Variants in GPATCH8 observed in about 807,000 individuals in gnomAD.
GPATCH8 encodes the protein G-patch domain containing 8.
Under a neutral mutation model 118.3 loss-of-function variants are expected in GPATCH8, and 18 were observed. That is an observed-to-expected ratio of 0.15 (90% CI 0.11 to 0.23). The LOEUF (loss-of-function observed/expected upper bound fraction) is 0.23. Ranked by LOEUF, GPATCH8 falls within the 10% of genes least tolerant of loss-of-function variation. GPATCH8 has a pLI of 1.00. For synonymous variants in GPATCH8, 659 were observed against 684.7 expected (o/e 0.96, Z 0.59); for missense variants, 1,631 against 1,873.8 (o/e 0.87, Z 2.39).
chr17:44,450,432 G>T, intron 3 of GPATCH8, among the ~76,000 whole-genome samples: 1 of 152,062 alleles, frequency 6.6e-6, no homozygotes, highest in Non-Finnish European at 1.5e-5. Context: ...CTATCATCGG[G>T]CCCCAACTCC....
intron 3 of GPATCH8, among the ~76,000 whole-genome samples, chr17:44,446,161 G>A (rs1283477367): frequency 6.6e-6 from 1 of 151,894 alleles, no homozygotes; most frequent in Admixed American, 6.6e-5. Context: ...TGTTGCCCAG[G>A]CTGGTTTCAA....
In GPATCH8 at chr17:44,395,665, G is replaced by A. The variant is rs977705500; in HGVS notation, c.*1903C>T. On this transcript the variant is annotated 3_prime_UTR_variant, in exon 8 of 8. Coordinates refer to ENST00000591680, the MANE Select transcript of GPATCH8 (RefSeq NM_001002909.4). ...ACTGAACAGGTAGGAGGGTGGGAGG[G>A]CAGTCAAGAGTTGTGTTTGCCTGCC... 4.4e-6 allele frequency: 2 copies of A among 454,004 alleles called. No homozygotes were observed. Among genetic ancestry groups the A allele is most frequent in the South Asian group, 1.6e-5 (1 of 64,482 alleles). 28.1% of individuals were successfully genotyped at this position (454,004 alleles called of 1,614,324 possible).
rs57126645 is a variant in GPATCH8, at chr17:44,462,985, TATAA to T, written c.193+1483_193+1486del. ...GACAGAGCGAGACTCCACTTCAAAA[TATAA>T]ATAAATAAATAAATAAATAAATAAA... On this transcript the variant is annotated intron_variant, in intron 3 of 7. Coordinates refer to ENST00000591680, the MANE Select transcript of GPATCH8 (RefSeq NM_001002909.4). 8.9e-3 allele frequency among the ~76,000 whole-genome samples: 1,328 copies of T among 149,624 alleles called. 23 individuals are homozygous for T. Among genetic ancestry groups the T allele is most frequent in the African/African-American group, 0.025 (1,040 of 40,806 alleles).
chr17:44,441,931 G>C (rs2050704762), intron 3 of GPATCH8, among the ~76,000 whole-genome samples: 1 of 151,788 alleles, frequency 6.6e-6, no homozygotes, highest in East Asian at 1.9e-4. Context: ...GGGAGGCTGA[G>C]GCAGGAGAAT....
chr17:44,433,879 C>G (rs2050405516), intron 5 of GPATCH8, among the ~76,000 whole-genome samples: 1 of 152,200 alleles, frequency 6.6e-6, no homozygotes, highest in Non-Finnish European at 1.5e-5. Flanking sequence ...TGGCTCACGC[C>G]TGTAATCCCC....
rs2048743672 is a variant in GPATCH8, at chr17:44,395,376, A to T, written c.*2192T>A. ...GTGATAAAGTTAAATACAATCTGTT[A>T]TGCTTGTAAGTAAGGTTTATTTTTA... On this transcript the variant is annotated 3_prime_UTR_variant, in exon 8 of 8. Transcript: ENST00000591680. 1 of 451,882 alleles carries T rather than the reference A, an allele frequency of 2.2e-6. No homozygotes were observed. The highest frequency in any genetic ancestry group is 2.0e-5 in the African/African-American group (1 of 49,738). 28.0% of individuals were successfully genotyped at this position (451,882 alleles called of 1,614,324 possible). A position where few individuals can be genotyped will look rare whatever the true frequency, so the allele number is the denominator to read the frequency against.
Position 44,398,224 on chromosome 17 carries a change from G to A in GPATCH8, c.3853C>T (p.Pro1285Ser), listed in dbSNP as rs1047817758. Residue 1285 changes from proline to serine, a missense_variant, in exon 8 of 8, where the codon CCC becomes TCC. Pro to Ser is a moderately conservative substitution (Grantham distance 74). Around this residue, in one of 8 missense-constraint regions of GPATCH8, gnomAD observed 922 missense variants for 879.7 expected, o/e 1.05. Transcript: ENST00000591680. ...GACTCAATACTAGGATCCCCACTGG[G>A]AGGTGCATAACTGGGGAAATGCTCA... The part of the protein sequence containing the change: ...DLEHFPSYAP[P>S]SGDPSIESTD... 12 of 1,613,298 alleles carry A rather than the reference G, an allele frequency of 7.4e-6. No homozygotes were observed. Among genetic ancestry groups the A allele is most frequent in the Non-Finnish European group, 1.0e-5 (12 of 1,179,478 alleles).
At position 44,401,087 on chromosome 17, in the gene GPATCH8, A is replaced by G. The variant is rs1189196057; in HGVS notation, c.990T>C (p.Asp330=). Residue 330 remains aspartate, a synonymous_variant, in exon 8 of 8, where the codon GAT becomes GAC. Transcript: ENST00000591680. ...KDHAEEGTSE[D]GTKPDEKSSD... is the part of the protein sequence containing the mutation. ...AACTCTTCTCATCGGGTTTTGTTCC[A>G]TCTTCAGAGGTCCCTTCCTCCGCAT... 6.2e-7 allele frequency: 1 copy of G among 1,614,074 alleles called. No homozygotes were observed. The highest frequency in any genetic ancestry group is 8.5e-7 in the Non-Finnish European group (1 of 1,179,998).
chr17:44,456,864 G>A (rs1002269346), intron 3 of GPATCH8, among the ~76,000 whole-genome samples: 1 of 151,182 alleles, frequency 6.6e-6, no homozygotes, highest in African/African-American at 2.4e-5. Context: ...TACAAGTACA[G>A]AACAATTTTT....
In GPATCH8 at chr17:44,400,683, G is replaced by A. The variant is rs774941203; in HGVS notation, c.1394C>T (p.Pro465Leu). Residue 465 changes from proline to leucine, a missense_variant, in exon 8 of 8, where the codon CCG becomes CTG. Coordinates refer to ENST00000591680, the MANE Select transcript of GPATCH8 (RefSeq NM_001002909.4). ...GGGCTCGGTCATGCTGGTTTCCTTC[G>A]GCTGCTCAGAGACTTCACTAACTGT... is the stretch of plus-strand genomic sequence containing the variant. The part of the protein sequence containing the change: ...EKTVSEVSEQ[P>L]KETSMTEPSE... 3.7e-6 allele frequency: 6 copies of A among 1,611,122 alleles called. No individual in the cohort carries two copies. The highest frequency in any genetic ancestry group is 2.2e-5 in the South Asian group (2 of 90,824).
intron 2 of GPATCH8, chr17:44,467,021 CAAAT>C (rs1183923537): frequency 1.8e-6 from 1 of 566,960 alleles, no homozygotes; most frequent in Non-Finnish European, 3.0e-6. Context: ...TGAATGCACT[CAAAT>C]AAACAGACAG....
At chr17:44,485,754 G>A (rs1375582053) in intron 1 of GPATCH8, among the ~76,000 whole-genome samples, 2 of 152,106 alleles carry the variant, frequency 1.3e-5, no homozygotes, top group East Asian at 3.9e-4. Flanking sequence ...TTAGCTTTAT[G>A]TTTATACCTT....
At chr17:44,470,926 T>C (rs1045844080) in intron 2 of GPATCH8, among the ~76,000 whole-genome samples, 10 of 152,262 alleles carry the variant, frequency 6.6e-5, no homozygotes, top group African/African-American at 2.4e-4. Context: ...CTTTGTTTTG[T>C]AAATATTTTG....
chr17:44,423,349 G>T (rs1182430542), intron 6 of GPATCH8, among the ~76,000 whole-genome samples: 1 of 152,150 alleles, frequency 6.6e-6, no homozygotes, highest in Non-Finnish European at 1.5e-5. Flanking sequence ...TTAAATGGGG[G>T]AGACTGTTCC....
At chr17:44,427,404 T>C (rs551416481) in intron 5 of GPATCH8, among the ~76,000 whole-genome samples, 9 of 152,076 alleles carry the variant, frequency 5.9e-5, no homozygotes, top group Non-Finnish European at 1.2e-4. Flanking sequence ...GGTACAAAAT[T>C]CAGAAATAAT....
rs372413678 is a variant in GPATCH8, at chr17:44,474,529, T to C, written c.120+300A>G. On this transcript the variant is annotated intron_variant, in intron 2 of 7. Transcript: ENST00000591680. ...GATCAAAATACATTTTACTCCTTTA[T>C]TCAATTCACAAAATGCTAAACTTTA... 1.1e-4 allele frequency: 49 copies of C among 444,840 alleles called. 1 individual carries two copies. Among genetic ancestry groups the C allele is most frequent in the South Asian group, 1.0e-3 (48 of 48,062 alleles). 27.6% of individuals were successfully genotyped at this position (444,840 alleles called of 1,614,324 possible).
At position 44,401,436 on chromosome 17, in the gene GPATCH8, G is replaced by A; in HGVS notation, c.641C>T (p.Pro214Leu). Reference sequence around the variant, plus strand: ...AGCCACTGTGGTTGGTTTGAACATGGGACCACTTCCAGGTGCACTACATGA... The same window carrying A: ...AGCCACTGTGGTTGGTTTGAACATGAGACCACTTCCAGGTGCACTACATGA... ...KQAECAPGSGPMFKPTTVAVD... is the reference protein window; with the variant it reads ...KQAECAPGSGLMFKPTTVAVD... The change falls in exon 8 of 8, where the codon CCC becomes CTC. Residue 214 changes from proline (P) to leucine (L), a missense_variant. Physicochemically the swap from Pro to Leu is moderately conservative, Grantham distance 98. Transcript: ENST00000591680. 2 of 1,608,316 alleles carry A rather than the reference G, an allele frequency of 1.2e-6. No homozygotes were observed. The highest frequency in any genetic ancestry group is 1.7e-6 in the Non-Finnish European group (2 of 1,174,888).
chr17:44,476,567 G>C (rs1226830898), intron 1 of GPATCH8, among the ~76,000 whole-genome samples: 1 of 152,146 alleles, frequency 6.6e-6, no homozygotes, highest in Non-Finnish European at 1.5e-5. Flanking sequence ...ACAAGTCATA[G>C]TAATGAAAAT....
Position 44,399,216 on chromosome 17 carries a change from G to A in GPATCH8, c.2861C>T (p.Ser954Leu). 6 of 1,613,934 alleles carry A rather than the reference G, an allele frequency of 3.7e-6. No individual in the cohort carries two copies. The highest frequency in any genetic ancestry group is 5.1e-6 in the Non-Finnish European group (6 of 1,179,888). The change falls in exon 8 of 8, where the codon TCA becomes TTA. Residue 954 changes from serine to leucine, a missense_variant. Around this residue, in one of 8 missense-constraint regions of GPATCH8, gnomAD observed 922 missense variants for 879.7 expected, o/e 1.05. Coordinates refer to ENST00000591680, the MANE Select transcript of GPATCH8 (RefSeq NM_001002909.4). ...GCTGCGGCTGCGGCCCCGGGATCTT[G>A]AGCGCTCTCTGGTATGACTCCGAGA... ...SRSRSHTRER[S>L]RSRGRSRSSS...
Sources: allele counts gnomAD v4.1 joint callset (sites outside exome capture counted in the v4.1 genomes callset), GRCh38; gene constraint gnomAD v4.1.1; regional missense constraint gnomAD v4.1.1; transcripts MANE v1.5; gene names NCBI Gene and HGNC (gene_info 2026-07-23, HGNC 2026-07-21).